The following SNAP91 variants were observed in gnomAD, a reference collection of about 807,000 sequenced individuals.
SNAP91 encodes clathrin coat assembly protein AP180.
A neutral mutation model predicts 100.3 loss-of-function variants in SNAP91; 27 were observed. That is an observed-to-expected ratio of 0.27 (90% CI 0.20 to 0.37). The LOEUF is 0.37. Ranked by LOEUF, SNAP91 falls within the 10% of genes least tolerant of loss-of-function variation. The probability of loss-of-function intolerance (pLI) is 1.00; values close to 1 mark genes in which losing one functional copy is unlikely to be tolerated. For missense variants in SNAP91, 986 were observed against 1,123.7 expected, an observed-to-expected ratio of 0.88 and a Z score of 1.75; for synonymous variants, 404 against 398.6, an observed-to-expected ratio of 1.01 and a Z score of -0.16.
intron 22 of SNAP91, among the ~76,000 whole-genome samples, chr6:83,583,491 A>G (rs1425866613): frequency 6.6e-6 from 1 of 152,224 alleles, no homozygotes; most frequent in Non-Finnish European, 1.5e-5. Context: ...TGACGGCTGG[A>G]AGCAAAACAT....
intron 7 of SNAP91, among the ~76,000 whole-genome samples, chr6:83,652,510 T>C (rs1014441503): frequency 6.6e-6 from 1 of 152,112 alleles, no homozygotes; most frequent in African/African-American, 2.4e-5. Flanking sequence ...CTCCCTACTA[T>C]CCCTTGTATT....
chr6:83,608,182 C>T (rs1340674428), intron 12 of SNAP91, among the ~76,000 whole-genome samples: 1 of 151,762 alleles, frequency 6.6e-6, no homozygotes, highest in Non-Finnish European at 1.5e-5. Flanking sequence ...CTAAAAAAAC[C>T]AATGTCATTA....
intron 21 of SNAP91, among the ~76,000 whole-genome samples, chr6:83,591,557 G>A (rs1414709022): frequency 1.3e-5 from 2 of 151,956 alleles, no homozygotes; most frequent in Non-Finnish European, 2.9e-5. Flanking sequence ...AAAATTTTTG[G>A]ACTAAACCTT....
chr6:83,633,332 C>T (rs138116970), intron 8 of SNAP91, among the ~76,000 whole-genome samples: 1,736 of 152,184 alleles, frequency 0.011, 24 homozygotes, highest in African/African-American at 0.037. Context: ...TGGTTTAAGG[C>T]GCTATTTTTG....
chr6:83,560,619 T>G (rs981515505), intron 27 of SNAP91, among the ~76,000 whole-genome samples: 7 of 152,226 alleles, frequency 4.6e-5, no homozygotes, highest in African/African-American at 1.7e-4. Context: ...TTTGTAAATT[T>G]TATAGCAAAA....
At chr6:83,697,593 G>A (rs2129030756) in intron 2 of SNAP91, among the ~76,000 whole-genome samples, 1 of 152,012 alleles carries the variant, frequency 6.6e-6, no homozygotes, top group Admixed American at 6.6e-5. Context: ...GTCAGATCAT[G>A]GTCATGCAAG....
intron 10 of SNAP91, among the ~76,000 whole-genome samples, chr6:83,616,528 G>A (rs1474610017): frequency 1.3e-5 from 2 of 152,082 alleles, no homozygotes; most frequent in Non-Finnish European, 2.9e-5. Context: ...TTCAAGTAGG[G>A]AGATACTGGA....
chr6:83,597,518 C>T (rs1333440856), intron 16 of SNAP91, among the ~76,000 whole-genome samples: 5 of 152,134 alleles, frequency 3.3e-5, no homozygotes, highest in Non-Finnish European at 5.9e-5. Flanking sequence ...AGCTCTATTT[C>T]CTAGAAATGC....
At chr6:83,601,706 T>C in intron 14 of SNAP91, 107 bp from the exon 15 acceptor site, 3 of 985,090 alleles carry the variant, frequency 3.0e-6, no homozygotes, top group South Asian at 1.4e-5. Flanking sequence ...AAAAAAACCT[T>C]AGCTTTATGT....
chr6:83,707,936 G>C lies in SNAP91; in HGVS notation c.-9C>G, dbSNP rs1258633946. 2.5e-6 allele frequency: 4 copies of C among 1,575,240 alleles called. No homozygotes were observed. The highest frequency in any genetic ancestry group is 1.4e-5 in the African/African-American group (1 of 72,476). ...AGCGTTTGGCCCGACATCTTCTGTG[G>C]TCGCGTCTACCGCCTCCTCTTCTGC... On this transcript the variant is annotated 5_prime_UTR_variant, in exon 2 of 30. Coordinates refer to ENST00000369694, the MANE Select transcript of SNAP91 (RefSeq NM_001242792.2).
intron 2 of SNAP91, among the ~76,000 whole-genome samples, chr6:83,672,104 A>G (rs2128832708): frequency 6.6e-6 from 1 of 152,218 alleles, no homozygotes; most frequent in South Asian, 2.1e-4. Context: ...AGACTCAGCT[A>G]CCTTACTAAT....
At chr6:83,662,986 A>C (rs767484823) in intron 3 of SNAP91, among the ~76,000 whole-genome samples, 1 of 152,132 alleles carries the variant, frequency 6.6e-6, no homozygotes, top group Non-Finnish European at 1.5e-5. Flanking sequence ...TAATTCTCAC[A>C]ATAGTTCAAA....
At chr6:83,693,740 A>G (rs771172015) in intron 2 of SNAP91, among the ~76,000 whole-genome samples, 60 of 152,226 alleles carry the variant, frequency 3.9e-4, no homozygotes, top group Non-Finnish European at 8.2e-4. Flanking sequence ...CTAGGGCATA[A>G]CAATACAAAT....
At chr6:83,579,087 G>T (rs1404148975) in intron 24 of SNAP91, among the ~76,000 whole-genome samples, 1 of 151,980 alleles carries the variant, frequency 6.6e-6, no homozygotes, top group East Asian at 1.9e-4. Context: ...TATACCTTTG[G>T]TCTCTATGTC....
At chr6:83,627,511 T>G (rs1584569674) in intron 8 of SNAP91, among the ~76,000 whole-genome samples, 1 of 152,016 alleles carries the variant, frequency 6.6e-6, no homozygotes, top group African/African-American at 2.4e-5. Context: ...GTTTTTTTAC[T>G]ACTGAAGTCA....
chr6:83,639,607 T>A (rs542829412), intron 8 of SNAP91, among the ~76,000 whole-genome samples: 2 of 152,250 alleles, frequency 1.3e-5, no homozygotes, highest in South Asian at 4.1e-4. Flanking sequence ...ACATGAGGTA[T>A]CAACAGACAA....
intron 2 of SNAP91, among the ~76,000 whole-genome samples, chr6:83,670,660 T>C (rs1304637274): frequency 1.3e-5 from 2 of 152,018 alleles, no homozygotes; most frequent in Admixed American, 1.3e-4. Context: ...CTTAGGTCAA[T>C]AATACATTGT....
At chr6:83,697,286 A>T (rs900712181) in intron 2 of SNAP91, among the ~76,000 whole-genome samples, 1 of 151,068 alleles carries the variant, frequency 6.6e-6, no homozygotes, top group African/African-American at 2.4e-5. Flanking sequence ...TTGAAAAACA[A>T]TGCTGCCCAA....
At chr6:83,597,507 C>G (rs959108417) in intron 16 of SNAP91, among the ~76,000 whole-genome samples, 2 of 152,154 alleles carry the variant, frequency 1.3e-5, no homozygotes, top group African/African-American at 4.8e-5. Flanking sequence ...GTTTTTCAAC[C>G]AGCTCTATTT....
Sources: allele counts gnomAD v4.1 joint callset (sites outside exome capture counted in the v4.1 genomes callset), GRCh38; gene constraint gnomAD v4.1.1; transcripts MANE v1.5; gene names NCBI Gene and HGNC (gene_info 2026-07-23, HGNC 2026-07-21).